Variants in HSD17B3 observed in about 807,000 individuals in gnomAD.
HSD17B3 encodes the protein 17-beta-hydroxysteroid dehydrogenase type 3.
A neutral mutation model predicts 41.1 loss-of-function variants in HSD17B3; 29 were observed. That is an observed-to-expected ratio of 0.71 (90% CI 0.53 to 0.96). HSD17B3 has a LOEUF of 0.96. HSD17B3 is among the 40% of genes least tolerant of loss of function. The probability of loss-of-function intolerance (pLI) is 0.00; values close to 1 mark genes in which losing one functional copy is unlikely to be tolerated. For missense variants in HSD17B3, 323 were observed against 374.6 expected, an observed-to-expected ratio of 0.86 and a Z score of 1.14; for synonymous variants, 126 against 145.6, an observed-to-expected ratio of 0.87 and a Z score of 0.97.
intron 2 of HSD17B3, among the ~76,000 whole-genome samples, chr9:96,265,532 A>G (rs8190531): frequency 0.48 from 72,450 of 152,088 alleles, 17,939 homozygotes; most frequent in East Asian, 0.62. Context: ...TGTAATAAAC[A>G]TACTACCGTG....
At chr9:96,285,922 T>A (rs1826901204) in intron 2 of HSD17B3, among the ~76,000 whole-genome samples, 1 of 152,218 alleles carries the variant, frequency 6.6e-6, no homozygotes, top group African/African-American at 2.4e-5. Context: ...CTACTCCATC[T>A]TAAGTAGGAG....
chr9:96,299,253 G>A (rs1391549096), intron 1 of HSD17B3, among the ~76,000 whole-genome samples: 2 of 152,234 alleles, frequency 1.3e-5, no homozygotes, highest in Admixed American at 1.3e-4. Context: ...TTCAAAAAGT[G>A]TGAACAAAAG....
At chr9:96,259,577 T>C (rs1390202540) in intron 2 of HSD17B3, among the ~76,000 whole-genome samples, 1 of 152,062 alleles carries the variant, frequency 6.6e-6, no homozygotes, top group Non-Finnish European at 1.5e-5. Flanking sequence ...AAAAATTAGC[T>C]GGGCATGGTG....
chr9:96,236,923 T>C (rs1836259332), intron 10 of HSD17B3, among the ~76,000 whole-genome samples: 1 of 152,298 alleles, frequency 6.6e-6, no homozygotes, highest in Non-Finnish European at 1.5e-5. Flanking sequence ...GAGGAAAACT[T>C]GAGCTTTTAG....
chr9:96,291,289 T>C (rs1255349731), intron 2 of HSD17B3, among the ~76,000 whole-genome samples: 1 of 151,838 alleles, frequency 6.6e-6, no homozygotes, highest in African/African-American at 2.4e-5. Context: ...AGTAAAGAAG[T>C]GTTTCTGCCC....
intron 1 of HSD17B3, among the ~76,000 whole-genome samples, chr9:96,300,670 T>C (rs77241360): frequency 0.03 from 4,591 of 151,652 alleles, 184 homozygotes; most frequent in African/African-American, 0.073. Flanking sequence ...CTGCAAAGAC[T>C]TTAGCATTTC....
intron 2 of HSD17B3, among the ~76,000 whole-genome samples, chr9:96,282,103 G>C (rs1051234116): frequency 1.3e-5 from 2 of 152,158 alleles, no homozygotes; most frequent in African/African-American, 2.4e-5. Context: ...TTTCAAGATG[G>C]CCCAGCAAAC....
intron 2 of HSD17B3, among the ~76,000 whole-genome samples, chr9:96,269,515 T>G (rs1019920448): frequency 2.0e-5 from 3 of 152,162 alleles, no homozygotes; most frequent in Non-Finnish European, 4.4e-5. Context: ...GAATACTATA[T>G]GTACTGAAGA....
chr9:96,293,076 G>A (rs1428093103), intron 2 of HSD17B3, among the ~76,000 whole-genome samples: 1 of 152,174 alleles, frequency 6.6e-6, no homozygotes, highest in African/African-American at 2.4e-5. Flanking sequence ...ACTTAAAAAG[G>A]AATCTTGGGA....
intron 2 of HSD17B3, among the ~76,000 whole-genome samples, chr9:96,287,955 T>C (rs1300057291): frequency 6.6e-6 from 1 of 151,342 alleles, no homozygotes; most frequent in Admixed American, 6.6e-5. Context: ...TACAATGGAA[T>C]ATTATTCTGC....
intron 2 of HSD17B3, among the ~76,000 whole-genome samples, chr9:96,286,296 A>G (rs1826914515): frequency 6.6e-6 from 1 of 151,958 alleles, no homozygotes; most frequent in Admixed American, 6.6e-5. Flanking sequence ...GTGAGCCAAG[A>G]TCACACCACT....
intron 10 of HSD17B3, among the ~76,000 whole-genome samples, chr9:96,235,984 T>C (rs1447751454): frequency 1.3e-5 from 2 of 151,682 alleles, no homozygotes; most frequent in South Asian, 2.1e-4. Context: ...TTTTTCTTTT[T>C]TTTTTTTCAG....
intron 2 of HSD17B3, among the ~76,000 whole-genome samples, chr9:96,261,919 C>T (rs576316092): frequency 8.1e-4 from 124 of 152,312 alleles, no homozygotes; most frequent in Non-Finnish European, 1.5e-3. Context: ...GGAGATGTAA[C>T]TTTCATCACA....
chr9:96,270,960 G>T (rs895036640), intron 2 of HSD17B3, among the ~76,000 whole-genome samples: 2 of 140,820 alleles, frequency 1.4e-5, no homozygotes, highest in African/African-American at 2.5e-5. Context: ...TCTCGGGGGG[G>T]GGGGTTAAGA....
intron 2 of HSD17B3, among the ~76,000 whole-genome samples, chr9:96,264,503 C>A (rs190537110): frequency 1.3e-5 from 2 of 151,934 alleles, no homozygotes; most frequent in Non-Finnish European, 2.9e-5. Flanking sequence ...CCAGGGTAGA[C>A]CTGTTTTATT....
At chr9:96,277,867 ACAC>A (rs1225436732) in intron 2 of HSD17B3, among the ~76,000 whole-genome samples, 45 of 146,766 alleles carry the variant, frequency 3.1e-4, no homozygotes, top group Non-Finnish European at 6.6e-4. Context: ...ACACACACAC[ACAC>A]AATGGAATAT....
chr9:96,282,083 T>G (rs117587608), intron 2 of HSD17B3, among the ~76,000 whole-genome samples: 1 of 152,078 alleles, frequency 6.6e-6, no homozygotes, highest in Non-Finnish European at 1.5e-5. Context: ...AGGACACCTG[T>G]AAGCCCGCTT....
At position 96,245,376 on chromosome 9, in the gene HSD17B3, CA is replaced by C; in HGVS notation, c.574del (p.Trp192GlyfsTer35). ...AGCTGAGTACATGGAGTAGAGAGGC[CA>C]AGGAAACAGGGCTATCCCAGAAGAA... ...NISSGIALFPWPLYSMYSASK... is the reference protein window; with the variant it reads ...NISSGIALFPXPLYSMYSASK... On this transcript the variant is annotated frameshift_variant, in exon 8 of 11. Transcript: ENST00000375263. LOFTEE classifies it high-confidence loss of function. The C allele has an allele frequency of 6.2e-7, 1 of 1,614,024 alleles. No individual in the cohort carries two copies. The highest frequency in any genetic ancestry group is 8.5e-7 in the Non-Finnish European group (1 of 1,179,930).
chr9:96,255,451 G>A (rs1411227643), intron 2 of HSD17B3, among the ~76,000 whole-genome samples: 4 of 123,990 alleles, frequency 3.2e-5, no homozygotes, highest in Non-Finnish European at 4.7e-5. Context: ...GTGCAATGGT[G>A]TAATCTCGGC....
Sources: gnomAD v4.1 joint callset for allele counts (sites outside exome capture counted in the v4.1 genomes callset) on GRCh38, gnomAD v4.1.1 for gene constraint, MANE v1.5 for transcripts, NCBI Gene and HGNC (gene_info 2026-07-23, HGNC 2026-07-21) for gene names.